The following MOCOS variants were observed in gnomAD, a reference collection of about 807,000 sequenced individuals.
The protein encoded by MOCOS is human molybdenum cofactor sulfurase.
In MOCOS, 86 loss-of-function variants were observed where a neutral mutation model predicts 83.6. The observed-to-expected ratio is 1.03, with a 90% confidence interval of 0.86 to 1.23. MOCOS has a LOEUF of 1.23. Ranked by LOEUF, MOCOS falls within the 50% of genes most tolerant of loss-of-function variation. The pLI is 0.00. For synonymous variants in MOCOS, 445 were observed against 434.7 expected (o/e 1.02, Z -0.29); for missense variants, 1,120 against 1,126.9 (o/e 0.99, Z 0.09).
intron 2 of MOCOS, among the ~76,000 whole-genome samples, chr18:36,197,450 A>ATT (rs5824002): frequency 0.12 from 18,115 of 149,838 alleles, 1,244 homozygotes; most frequent in South Asian, 0.15. Flanking sequence ...GTGAGGAGAG[A>ATT]TTTTTTTTTT....
intron 13 of MOCOS, among the ~76,000 whole-genome samples, chr18:36,262,841 G>A (rs2091668780): frequency 6.6e-6 from 1 of 152,228 alleles, no homozygotes; most frequent in African/African-American, 2.4e-5. Context: ...GGGCACAGTG[G>A]CTCATGCCTG....
chr18:36,195,268 C>G lies in MOCOS; in HGVS notation c.154C>G (p.Leu52Val), dbSNP rs1237491647. The G allele has an allele frequency of 1.2e-6, 2 of 1,614,070 alleles. No individual in the cohort carries two copies. The highest frequency in any genetic ancestry group is 2.2e-5 in the South Asian group (2 of 91,084). Residue 52 changes from leucine to valine, a missense_variant, in exon 2 of 15, where the codon CTT becomes GTT. Transcript: ENST00000261326. ...GTGTTTTCTTTCAGGAACTGTCTAT[C>G]TTGACCATGCAGGTGCCACCTTGTT... ...EFSRLAGTVYLDHAGATLFSQ... is the reference protein window; with the variant it reads ...EFSRLAGTVYVDHAGATLFSQ...
rs1346012718 is a variant in MOCOS at position 36,203,091 on chromosome 18, TCTC to T, written c.942-19_942-17del. ...TTGTTTTGACCACAGCTTGACCTGTTCTCCTTACCCCGTGGTTATAGGTTTGAA... is the reference window on the plus strand; with the variant it reads ...TTGTTTTGACCACAGCTTGACCTGTTCTTACCCCGTGGTTATAGGTTTGAA... On this transcript the variant is annotated intron_variant, in intron 4 of 14. Coordinates refer to ENST00000261326, the MANE Select transcript of MOCOS (RefSeq NM_017947.4). 3.1e-6 allele frequency: 5 copies of T among 1,609,648 alleles called. No homozygotes were observed. The highest frequency in any genetic ancestry group is 4.3e-6 in the Non-Finnish European group (5 of 1,175,916).
chr18:36,238,294 C>T (rs1168919590), intron 9 of MOCOS, among the ~76,000 whole-genome samples: 1 of 150,644 alleles, frequency 6.6e-6, no homozygotes, highest in Non-Finnish European at 1.5e-5. Flanking sequence ...TCCCTCTACA[C>T]ACTGCTTTGA....
In MOCOS at chr18:36,249,087, C is replaced by T. The variant is rs1379968503; in HGVS notation, c.2039+87C>T. ...AGGGTAATGCCCTATGCAATCTATC[C>T]TTTGCTACCCTTCAGTCCAGTTGCT... On this transcript the variant is annotated intron_variant, in intron 10 of 14. Transcript: ENST00000261326. 19 of 1,113,390 alleles carry T rather than the reference C, an allele frequency of 1.7e-5. No individual in the cohort carries two copies. The South Asian group carries it at 2.3e-4, about 13-fold the overall frequency. 69.0% of individuals were successfully genotyped at this position (1,113,390 alleles called of 1,614,324 possible).
At position 36,200,230 on chromosome 18, in the gene MOCOS, C is replaced by T. The variant is rs776832613; in HGVS notation, c.847C>T (p.Pro283Ser). 6.8e-6 allele frequency: 11 copies of T among 1,614,008 alleles called. No homozygotes were observed. In the East Asian group the frequency reaches 1.3e-4, roughly 20 times the overall value. Residue 283 changes from proline to serine, a missense_variant, in exon 4 of 15, where the codon CCT becomes TCT. Transcript: ENST00000261326. ...TCTGCTGGTCCATAATCGTGCGGCT[C>T]CTCTACTGAGGAAGACCTACTTTGG... is the stretch of plus-strand genomic sequence containing the variant. ...GALLVHNRAAPLLRKTYFGGG... is the reference protein window; with the variant it reads ...GALLVHNRAASLLRKTYFGGG...
rs540065385 is a variant in MOCOS, at chr18:36,206,019, T to A, written c.1218+743T>A. 2.0e-5 allele frequency among the ~76,000 whole-genome samples: 3 copies of A among 152,124 alleles called. No individual in the cohort carries two copies. In the South Asian group the frequency reaches 6.2e-4, roughly 32 times the overall value. On this transcript the variant is annotated intron_variant, in intron 6 of 14. Transcript: ENST00000261326. ...CCTCCCAAAGTGCTGGGATTATAGG[T>A]GTGAGCCACTGTGCCTGGCCCACAT...
At chr18:36,234,497 G>T (rs1270557018) in intron 9 of MOCOS, among the ~76,000 whole-genome samples, 1 of 152,096 alleles carries the variant, frequency 6.6e-6, no homozygotes, top group Non-Finnish European at 1.5e-5. Context: ...GCTTAGTCTT[G>T]CTTTGGCTAA....
At chr18:36,218,457 C>A (rs187935546) in intron 8 of MOCOS, among the ~76,000 whole-genome samples, 32 of 152,170 alleles carry the variant, frequency 2.1e-4, no homozygotes, top group African/African-American at 5.8e-4. Flanking sequence ...TCTCAGGGAG[C>A]TTTCTTCTGT....
chr18:36,209,755 T>C (rs1017977191), intron 6 of MOCOS, among the ~76,000 whole-genome samples: 1 of 152,212 alleles, frequency 6.6e-6, no homozygotes, highest in African/African-American at 2.4e-5. Context: ...GGCATTGAGG[T>C]TGGTTCCATA....
intron 9 of MOCOS, among the ~76,000 whole-genome samples, chr18:36,225,679 T>C (rs1054513046): frequency 2.0e-5 from 3 of 152,160 alleles, no homozygotes; most frequent in Non-Finnish European, 2.9e-5. Context: ...TGTAGACACT[T>C]ACTGCCATGA....
intron 9 of MOCOS, among the ~76,000 whole-genome samples, chr18:36,223,660 T>G (rs1464990243): frequency 6.6e-6 from 1 of 152,226 alleles, no homozygotes; most frequent in African/African-American, 2.4e-5. Context: ...GGGATTGCAT[T>G]GAATCTGCGG....
chr18:36,259,700 G>C (rs1029102713), intron 12 of MOCOS, among the ~76,000 whole-genome samples: 1 of 152,156 alleles, frequency 6.6e-6, no homozygotes, highest in Non-Finnish European at 1.5e-5. Flanking sequence ...TATAGAACTG[G>C]TGTGTTCTCA....
chr18:36,240,401 G>C (rs1242863146), intron 9 of MOCOS, among the ~76,000 whole-genome samples: 4 of 150,092 alleles, frequency 2.7e-5, no homozygotes, highest in African/African-American at 9.9e-5. Context: ...GCAGTGTGAG[G>C]TGTCAGTGTG....
chr18:36,205,153 C>T lies in MOCOS; in HGVS notation c.1095C>T (p.Tyr365=), dbSNP rs1416560761. 5.0e-6 allele frequency: 8 copies of T among 1,613,464 alleles called. No individual in the cohort carries two copies. The highest frequency in any genetic ancestry group is 6.8e-6 in the Non-Finnish European group (8 of 1,179,498). Reference sequence around the variant, plus strand: ...ACGTGGCCCTGTCCTCTCTCCAGTACCCCAATGGAGCCCCTGTGGTGCGGA... The same window carrying T: ...ACGTGGCCCTGTCCTCTCTCCAGTATCCCAATGGAGCCCCTGTGGTGCGGA... ...YTYVALSSLQ[Y]PNGAPVVRIY... Residue 365 remains tyrosine, a synonymous_variant, in exon 6 of 15, where the codon TAC becomes TAT. Coordinates refer to ENST00000261326, the MANE Select transcript of MOCOS (RefSeq NM_017947.4).
intron 9 of MOCOS, among the ~76,000 whole-genome samples, chr18:36,245,899 A>G (rs2091600531): frequency 6.6e-6 from 1 of 152,142 alleles, no homozygotes; most frequent in Non-Finnish European, 1.5e-5. Context: ...TCTTTCTTCT[A>G]CTTTTTCAAT....
chr18:36,218,395 C>T (rs767983662), intron 8 of MOCOS, among the ~76,000 whole-genome samples: 2 of 151,818 alleles, frequency 1.3e-5, no homozygotes, highest in Admixed American at 6.6e-5. Flanking sequence ...CCTTATCTTC[C>T]GGGTCTTCGA....
rs1017160761 is a variant in MOCOS at position 36,238,525 on chromosome 18, A to T, written c.1961-10397A>T. On this transcript the variant is annotated intron_variant, in intron 9 of 14. Transcript: ENST00000261326. Reference sequence around the variant, plus strand: ...AGTTTGTTATAATTTCTGTTCTTTTACATTTGCTGAGGAGTGCTTTACTTC... The same window carrying T: ...AGTTTGTTATAATTTCTGTTCTTTTTCATTTGCTGAGGAGTGCTTTACTTC... Among the ~76,000 whole-genome samples the T allele has an allele frequency of 3.0e-4, 45 of 148,434 alleles. 1 individual carries two copies. Among genetic ancestry groups the T allele is most frequent in the African/African-American group, 1.1e-3 (44 of 40,716 alleles).
intron 10 of MOCOS, among the ~76,000 whole-genome samples, chr18:36,249,317 C>T (rs2091614025): frequency 6.6e-6 from 1 of 152,214 alleles, no homozygotes; most frequent in East Asian, 1.9e-4. Context: ...GCCCCCTTCT[C>T]AGAGGGCCAC....
Sources: allele counts gnomAD v4.1 joint callset (sites outside exome capture counted in the v4.1 genomes callset), GRCh38; gene constraint gnomAD v4.1.1; transcripts MANE v1.5; gene names NCBI Gene and HGNC (gene_info 2026-07-23, HGNC 2026-07-21).